SLC30A8: variants seen among roughly 807,000 people sequenced by gnomAD.
The protein encoded by SLC30A8 is proton-coupled zinc antiporter SLC30A8.
Under a neutral mutation model 36.9 loss-of-function variants are expected in SLC30A8, and 27 were observed. The ratio of observed to expected loss-of-function variants is 0.73; its 90% CI spans 0.54 to 1.01. The LOEUF is 1.01. Among genes scored for constraint, SLC30A8 ranks in the 50% least tolerant of loss-of-function variants. SLC30A8 has a pLI of 0.00. For synonymous variants in SLC30A8, 164 were observed against 172.4 expected (o/e 0.95, Z 0.38); for missense variants, 439 against 452.0 (o/e 0.97, Z 0.26).
intron 1 of SLC30A8, among the ~76,000 whole-genome samples, chr8:116,993,544 A>G (rs1815718706): frequency 6.6e-6 from 1 of 152,100 alleles, no homozygotes; most frequent in Non-Finnish European, 1.5e-5. Flanking sequence ...GAGACAATCT[A>G]GATGTTGGAG....
rs1823604249 is a variant in SLC30A8 at position 117,175,045 on chromosome 8, T to C, written c.*2364T>C. The C allele has an allele frequency of 6.6e-6, 1 of 152,130 alleles. No homozygotes were observed. The highest frequency in any genetic ancestry group is 2.1e-4 in the South Asian group (1 of 4,826). 9.4% of individuals were successfully genotyped at this position (152,130 alleles called of 1,614,324 possible). On this transcript the variant is annotated 3_prime_UTR_variant, in exon 8 of 8. Coordinates refer to ENST00000456015, the MANE Select transcript of SLC30A8 (RefSeq NM_173851.3). ...GTCACTGGAAGTTAGTGGAATCATG[T>C]AGTTGAATTCTTTACTTCAAGACAT...
intron 2 of SLC30A8, among the ~76,000 whole-genome samples, chr8:117,149,056 T>C (rs1298904704): frequency 1.3e-5 from 2 of 152,230 alleles, no homozygotes; most frequent in East Asian, 1.9e-4. Flanking sequence ...GTGTGTTTCG[T>C]GTTTTTATCA....
At chr8:117,143,801 C>T (rs1227167749) in intron 1 of SLC30A8, among the ~76,000 whole-genome samples, 1 of 151,940 alleles carries the variant, frequency 6.6e-6, no homozygotes, top group Non-Finnish European at 1.5e-5. Flanking sequence ...AGAGTATATC[C>T]ATATTTGTTA....
chr8:117,169,945 C>T (rs1330123479), intron 6 of SLC30A8, among the ~76,000 whole-genome samples: 2 of 152,018 alleles, frequency 1.3e-5, no homozygotes, highest in African/African-American at 4.8e-5. Flanking sequence ...ACTATATCAC[C>T]CAGAGATTCT....
At chr8:116,983,958 T>C (rs1421096652) in intron 1 of SLC30A8, among the ~76,000 whole-genome samples, 3 of 152,172 alleles carry the variant, frequency 2.0e-5, no homozygotes, top group Non-Finnish European at 4.4e-5. Context: ...CAACACAGGC[T>C]CCTGTACTGA....
rs543924019 is a variant in SLC30A8, at chr8:117,045,845, C to T, written c.-226+6587C>T. Among the ~76,000 whole-genome samples the T allele has an allele frequency of 1.2e-3, 187 of 152,250 alleles. 1 individual carries two copies. The highest frequency in any genetic ancestry group is 4.3e-3 in the African/African-American group (179 of 41,542). On this transcript the variant is annotated intron_variant, in intron 2 of 10. Coordinates refer to the SLC30A8 transcript ENST00000427715. The stretch of plus-strand genomic sequence containing the variant: ...CGACCTCTTCAGACCAGCCGATGGC[C>T]CCGCGGATCTCTGGCATGGTCTCTT...
At chr8:116,974,541 A>G (rs1446139425) in intron 1 of SLC30A8, among the ~76,000 whole-genome samples, 1 of 152,120 alleles carries the variant, frequency 6.6e-6, no homozygotes, top group African/African-American at 2.4e-5. Flanking sequence ...GAAACAACAG[A>G]TGCTGGAGAG....
intron 2 of SLC30A8, among the ~76,000 whole-genome samples, chr8:117,045,821 G>A (rs1008596188): frequency 3.3e-5 from 5 of 152,138 alleles, no homozygotes; most frequent in Admixed American, 6.5e-5. Context: ...TGAACTTACC[G>A]ACCTCTTCAG....
intron 7 of SLC30A8, among the ~76,000 whole-genome samples, chr8:117,171,609 A>T (rs1823391990): frequency 6.6e-6 from 1 of 152,156 alleles, no homozygotes; most frequent in Non-Finnish European, 1.5e-5. Flanking sequence ...AATTTCTAAC[A>T]AGCTAATGGA....
intron 1 of SLC30A8, among the ~76,000 whole-genome samples, chr8:116,974,498 C>T (rs1344572699): frequency 6.6e-6 from 1 of 152,158 alleles, no homozygotes; most frequent in African/African-American, 2.4e-5. Flanking sequence ...TGCCATCTCA[C>T]ACCAGTTAGA....
chr8:116,982,726 C>T (rs1172619178), intron 1 of SLC30A8, among the ~76,000 whole-genome samples: 1 of 152,090 alleles, frequency 6.6e-6, no homozygotes, highest in African/African-American at 2.4e-5. Flanking sequence ...CACAAATAAT[C>T]TCTCACACGT....
In SLC30A8 at chr8:117,155,775, G is replaced by T. The variant is rs934954595; in HGVS notation, c.419-1916G>T. Among the ~76,000 whole-genome samples the T allele has an allele frequency of 2.6e-5, 4 of 152,328 alleles. No individual in the cohort carries two copies. The South Asian group carries it at 8.3e-4, about 32-fold the overall frequency. On this transcript the variant is annotated intron_variant, in intron 3 of 7. Coordinates refer to ENST00000456015, the MANE Select transcript of SLC30A8 (RefSeq NM_173851.3). ...GTCAGTGGGGTTGGTTCCTTCTGAG[G>T]TCTGTGAGGGGAAGTCAGTTCCAGG... is the stretch of plus-strand genomic sequence containing the variant.
At chr8:117,162,673 A>G (rs1283282991) in intron 5 of SLC30A8, among the ~76,000 whole-genome samples, 1 of 152,204 alleles carries the variant, frequency 6.6e-6, no homozygotes, top group Non-Finnish European at 1.5e-5. Context: ...AAAAATTACA[A>G]AGACATATCT....
chr8:117,073,325 C>T (rs1029594050), intron 2 of SLC30A8, among the ~76,000 whole-genome samples: 3 of 149,244 alleles, frequency 2.0e-5, no homozygotes, highest in East Asian at 2.0e-4. Context: ...GGTGTGATCT[C>T]GGCTCACTGC....
intron 2 of SLC30A8, among the ~76,000 whole-genome samples, chr8:117,058,494 C>T (rs1222597800): frequency 6.6e-6 from 1 of 152,102 alleles, no homozygotes; most frequent in East Asian, 1.9e-4. Context: ...GAGGGCTCCA[C>T]CCTCATGACC....
intron 1 of SLC30A8, among the ~76,000 whole-genome samples, chr8:117,037,284 C>T (rs1817244503): frequency 6.6e-6 from 1 of 152,182 alleles, no homozygotes; most frequent in South Asian, 2.1e-4. Flanking sequence ...TCTCCTTATT[C>T]ACCATAATAA....
intron 2 of SLC30A8, among the ~76,000 whole-genome samples, chr8:117,094,404 G>T (rs60337074): frequency 0.1 from 15,148 of 152,170 alleles, 1,273 homozygotes; most frequent in African/African-American, 0.23. Context: ...TGCAAGCAGG[G>T]TGTCCTGATG....
chr8:117,012,724 T>TATACACACAC (rs1554623571), intron 1 of SLC30A8, among the ~76,000 whole-genome samples: 1 of 126,392 alleles, frequency 7.9e-6, no homozygotes, highest in African/African-American at 2.9e-5. Flanking sequence ...GACATATGTA[T>TATACACACAC]ACACACACAC....
At chr8:117,080,271 C>G (rs1029973920) in intron 2 of SLC30A8, among the ~76,000 whole-genome samples, 2 of 152,116 alleles carry the variant, frequency 1.3e-5, no homozygotes, top group African/African-American at 2.4e-5. Context: ...TTTCCACTTT[C>G]TTGAAATAAC....
Sources: gnomAD v4.1 joint callset for allele counts (sites outside exome capture counted in the v4.1 genomes callset) on GRCh38, gnomAD v4.1.1 for gene constraint, MANE v1.5 for transcripts, NCBI Gene and HGNC (gene_info 2026-07-23, HGNC 2026-07-21) for gene names.